Variants in RAI2 observed in about 807,000 individuals in gnomAD.
The protein encoded by RAI2 is retinoic acid induced 2, also known as retinoic acid-induced protein 2.
A neutral mutation model predicts 15.3 loss-of-function variants in RAI2; 5 were observed. The ratio of observed to expected loss-of-function variants is 0.33; its 90% confidence interval spans 0.17 to 0.69. RAI2 has a LOEUF of 0.69. Ranked by LOEUF, RAI2 falls within the 30% of genes least tolerant of loss-of-function variation. The probability of loss-of-function intolerance (pLI) is 0.69; values close to 1 mark genes in which losing one functional copy is unlikely to be tolerated. For synonymous variants in RAI2, 191 were observed against 184.0 expected (o/e 1.04, Z -0.31); for missense variants, 424 against 424.7 (o/e 1.00, Z 0.01).
chrX:17,808,602 G>A (rs2067008046), intron 1 of RAI2, among the ~76,000 whole-genome samples: 2 of 110,722 alleles, frequency 1.8e-5, no homozygotes, highest in Admixed American at 1.9e-4. Flanking sequence ...AAAAGACTGA[G>A]GCTATCAACA....
chrX:17,860,886 C>G (rs2067680555), intron 1 of RAI2, among the ~76,000 whole-genome samples: 1 of 104,927 alleles, frequency 9.5e-6, no homozygotes, highest in Non-Finnish European at 2.0e-5. Flanking sequence ...GCCACACGGG[C>G]GGCGGCCTCG....
At chrX:17,825,199 C>T (rs368226790) in intron 1 of RAI2, among the ~76,000 whole-genome samples, 1 of 112,751 alleles carries the variant, frequency 8.9e-6, no homozygotes, top group African/African-American at 3.2e-5. Context: ...GGAAAAATGG[C>T]CCGGTTCCAA....
intron 1 of RAI2, among the ~76,000 whole-genome samples, chrX:17,818,813 A>G (rs1289121486): frequency 8.9e-6 from 1 of 112,409 alleles, no homozygotes; most frequent in Non-Finnish European, 1.9e-5. Context: ...CTGCCTCGGA[A>G]ATGTTGTCAT....
chrX:17,802,956 A>G (rs1256438933), intron 1 of RAI2, among the ~76,000 whole-genome samples: 1 of 111,666 alleles, frequency 9.0e-6, no homozygotes, highest in Non-Finnish European at 1.9e-5. Flanking sequence ...CTCTCCATGG[A>G]AACCTGTCCA....
intron 1 of RAI2, among the ~76,000 whole-genome samples, chrX:17,806,365 T>C (rs1342987112): frequency 1.8e-5 from 2 of 112,195 alleles, no homozygotes; most frequent in African/African-American, 6.5e-5. Flanking sequence ...TTGCAAAACA[T>C]TTTCAAATGG....
chrX:17,856,538 G>A lies in RAI2; in HGVS notation c.-25+4560C>T, dbSNP rs752104989. Among the ~76,000 whole-genome samples, 3 of 112,401 alleles carry A rather than the reference G, an allele frequency of 2.7e-5. No homozygotes were observed. In the East Asian group the frequency reaches 8.4e-4, roughly 32 times the overall value. On this transcript the variant is annotated intron_variant, in intron 1 of 1. Coordinates refer to ENST00000451717, the MANE Select transcript of RAI2 (RefSeq NM_021785.6). The stretch of plus-strand genomic sequence containing the variant: ...TCTTTGACTTCCCATCCTCCAGAAC[G>A]GTGAGAAATATGTTTCTATCATTTA...
At chrX:17,828,941 G>C (rs1296964563) in intron 1 of RAI2, among the ~76,000 whole-genome samples, 1 of 111,482 alleles carries the variant, frequency 9.0e-6, no homozygotes, top group Non-Finnish European at 1.9e-5. Context: ...GCTTAGAGTA[G>C]AGCCTTATCA....
At chrX:17,827,406 A>G (rs1360758547) in intron 1 of RAI2, among the ~76,000 whole-genome samples, 1 of 112,293 alleles carries the variant, frequency 8.9e-6, no homozygotes. Context: ...TCTTCACAAT[A>G]CTATTTATGT....
chrX:17,838,256 G>A (rs757503923), intron 1 of RAI2, among the ~76,000 whole-genome samples: 7 of 112,331 alleles, frequency 6.2e-5, no homozygotes, highest in Non-Finnish European at 9.4e-5. Context: ...ATGATTATAC[G>A]GGTGAATACA....
rs189636806 is a variant in RAI2, at chrX:17,806,005, T to C, written c.-24-3971A>G. Among the ~76,000 whole-genome samples the C allele has an allele frequency of 5.0e-3, 556 of 112,292 alleles. 4 individuals carry two copies. Among genetic ancestry groups the C allele is most frequent in the African/African-American group, 0.017 (517 of 30,930 alleles). Reference sequence around the variant, plus strand: ...GCCAGCAAGCACCCCACTCTGACTCTGAGTCAGCAGCTGAGGTGGTCTGGG... The same window carrying C: ...GCCAGCAAGCACCCCACTCTGACTCCGAGTCAGCAGCTGAGGTGGTCTGGG... On this transcript the variant is annotated intron_variant, in intron 1 of 1. Coordinates refer to ENST00000451717, the MANE Select transcript of RAI2 (RefSeq NM_021785.6).
At chrX:17,849,402 C>T (rs1056362373) in intron 1 of RAI2, among the ~76,000 whole-genome samples, 1 of 112,519 alleles carries the variant, frequency 8.9e-6, no homozygotes, top group African/African-American at 3.2e-5. Context: ...CCCAGTTCCA[C>T]CTCCTGTAAG....
At chrX:17,854,502 C>T (rs1320613976) in intron 1 of RAI2, among the ~76,000 whole-genome samples, 1 of 112,205 alleles carries the variant, frequency 8.9e-6, no homozygotes, top group Non-Finnish European at 1.9e-5. Flanking sequence ...CAGCCTGGAG[C>T]TTCCAGGCTT....
chrX:17,836,639 CA>C (rs1171381464), intron 1 of RAI2, among the ~76,000 whole-genome samples: 1 of 112,289 alleles, frequency 8.9e-6, no homozygotes, highest in Non-Finnish European at 1.9e-5. Context: ...CCCCTGATCA[CA>C]AGCTTCTCCA....
intron 1 of RAI2, among the ~76,000 whole-genome samples, chrX:17,855,371 C>T (rs752905536): frequency 3.5e-4 from 39 of 111,716 alleles, no homozygotes; most frequent in African/African-American, 1.1e-3. Context: ...AGGAATTCTC[C>T]GATGGACAAG....
At chrX:17,849,441 G>A (rs779828324) in intron 1 of RAI2, among the ~76,000 whole-genome samples, 6 of 112,203 alleles carry the variant, frequency 5.3e-5, no homozygotes, top group Admixed American at 3.8e-4. Context: ...GTTACTAAAC[G>A]TATCCAAGCC....
intron 1 of RAI2, among the ~76,000 whole-genome samples, chrX:17,835,944 A>AT (rs1256538490): frequency 5.3e-5 from 6 of 112,217 alleles, no homozygotes; most frequent in Non-Finnish European, 1.9e-5. Context: ...TTATTGTTTT[A>AT]TTTTTTACAG....
chrX:17,825,459 T>A (rs894507311), intron 1 of RAI2, among the ~76,000 whole-genome samples: 7 of 112,808 alleles, frequency 6.2e-5, no homozygotes, highest in Non-Finnish European at 1.3e-4. Context: ...CTGAGAAGGC[T>A]GAGGTCAACC....
chrX:17,841,386 C>T (rs768032663), intron 1 of RAI2, among the ~76,000 whole-genome samples: 69 of 112,006 alleles, frequency 6.2e-4, no homozygotes, highest in Non-Finnish European at 1.1e-3. Context: ...ACCTCACATG[C>T]GAACCAGTGA....
intron 1 of RAI2, among the ~76,000 whole-genome samples, chrX:17,832,007 T>C (rs1472947230): frequency 4.4e-5 from 5 of 112,413 alleles, no homozygotes; most frequent in Admixed American, 1.9e-4. Flanking sequence ...AGCATTGCAC[T>C]GTATTGTAAT....
Sources: gnomAD v4.1 joint callset for allele counts (sites outside exome capture counted in the v4.1 genomes callset) on GRCh38, gnomAD v4.1.1 for gene constraint, MANE v1.5 for transcripts, NCBI Gene and HGNC (gene_info 2026-07-23, HGNC 2026-07-21) for gene names.